SLC27A5: variants seen among roughly 807,000 people sequenced by gnomAD.
SLC27A5 encodes the protein long-chain fatty acid transport protein 5.
In SLC27A5, 47 loss-of-function variants were observed where a neutral mutation model predicts 63.1. That is an observed-to-expected ratio of 0.74 (90% confidence interval 0.59 to 0.95). SLC27A5 has a LOEUF of 0.95. Ranked by LOEUF, SLC27A5 falls within the 40% of genes least tolerant of loss-of-function variation. SLC27A5 has a pLI of 0.00. For missense variants in SLC27A5, 940 were observed against 921.0 expected (o/e 1.02, Z -0.27); for synonymous variants, 391 against 403.8 (o/e 0.97, Z 0.38).
chr19:58,499,375 T>G (rs1298288617), intron 7 of SLC27A5, 117 bp downstream of exon 7: 2 of 1,354,296 alleles, frequency 1.5e-6, no homozygotes, highest in African/African-American at 3.0e-5. Flanking sequence ...AAGTCCTGAC[T>G]CCAAGTTCCG....
chr19:58,501,103 A>G, intron 4 of SLC27A5, 183 bp downstream of exon 4: 1 of 1,194,752 alleles, frequency 8.4e-7, no homozygotes, highest in African/African-American at 1.5e-5. Flanking sequence ...CTGAGGCTCA[A>G]GGTAGCACAG....
chr19:58,501,064 C>G (rs1451480827), intron 4 of SLC27A5: 2 of 1,221,172 alleles, frequency 1.6e-6, no homozygotes, highest in Non-Finnish European at 2.2e-6. Flanking sequence ...GGGGTAGGGG[C>G]TATTATCCCT....
At chr19:58,503,814 C>CAAAA (rs111527205) in intron 3 of SLC27A5, among the ~76,000 whole-genome samples, 1 of 144,976 alleles carries the variant, frequency 6.9e-6, no homozygotes, top group South Asian at 2.2e-4. Context: ...AACAAACAAA[C>CAAAA]AAAAAAACAG....
rs1369710055 is a variant in SLC27A5, at chr19:58,499,125, G to T, written c.1763C>A (p.Pro588Gln). ...QQVNVYGVCV[P>Q]GCEGKVGMAA... ...TTTAAAATGAGAACCCTCCGCACCTGGCACGCACACGCCATACACGTTAAC... is the reference window on the plus strand; with the variant it reads ...TTTAAAATGAGAACCCTCCGCACCTTGCACGCACACGCCATACACGTTAAC... Residue 588 changes from proline to glutamine, a missense_variant and splice_region_variant, in exon 8 of 10, where the codon CCA (proline) becomes CAA (glutamine). Transcript: ENST00000263093. 1 of 1,613,800 alleles carries T rather than the reference G, an allele frequency of 6.2e-7. No individual in the cohort carries two copies. The highest frequency in any genetic ancestry group is 8.5e-7 in the Non-Finnish European group (1 of 1,179,990).
chr19:58,506,732 C>T (rs1201315830), intron 3 of SLC27A5, among the ~76,000 whole-genome samples: 2 of 151,452 alleles, frequency 1.3e-5, no homozygotes, highest in Non-Finnish European at 2.9e-5. Flanking sequence ...GCCTCAGCCT[C>T]CCGAGTAGCT....
At chr19:58,507,757 T>C (rs1258562000) in intron 3 of SLC27A5, 1 of 152,122 alleles carries the variant, frequency 6.6e-6, no homozygotes, top group Non-Finnish European at 1.5e-5. Context: ...AATTCATTCC[T>C]GGGGGGAGGT....
At chr19:58,510,967 C>T in intron 1 of SLC27A5, 37 bp from the exon 2 acceptor site, 1 of 1,518,012 alleles carries the variant, frequency 6.6e-7, no homozygotes, top group Non-Finnish European at 8.9e-7. Context: ...AGAGGCAAGG[C>T]TCACCTTTGA....
In SLC27A5 at chr19:58,511,722, T is replaced by C; in HGVS notation, c.234A>G (p.Ala78=). The C allele has an allele frequency of 6.4e-7, 1 of 1,557,008 alleles. No homozygotes were observed. Residue 78 remains alanine (A), a synonymous_variant, in exon 1 of 10, where the codon GCA becomes GCG. Transcript: ENST00000263093. The part of the protein sequence containing the change: ...AAALALTLLP[A]RLPPGLRWLP... ...GCCAGCGTAGTCCTGGGGGCAGCCG[T>C]GCTGGCAGGAGGGTTAGTGCCAGGG...
In SLC27A5 at chr19:58,509,794, A is replaced by C. The variant is rs1053654605; in HGVS notation, c.1057+53T>G. 8 of 1,533,716 alleles carry C rather than the reference A, an allele frequency of 5.2e-6. No homozygotes were observed. In the African/African-American group the frequency reaches 1.1e-4, roughly 21 times the overall value. ...TTTTTGCCTTGACAGCCCCACGCCG[A>C]CACTTACTCCCGTGGTCCTGTAGAC... On this transcript the variant is annotated intron_variant, in intron 3 of 9. Transcript: ENST00000263093.
At chr19:58,510,489 G>A in intron 2 of SLC27A5, 1 of 472,820 alleles carries the variant, frequency 2.1e-6, no homozygotes, top group Non-Finnish European at 3.7e-6. Context: ...CAAGAGAATT[G>A]CTTGAACCCA....
chr19:58,499,004 T>C, intron 8 of SLC27A5, 89 bp from the exon 9 acceptor site: 1 of 1,589,994 alleles, frequency 6.3e-7, no homozygotes, highest in Non-Finnish European at 8.6e-7. Flanking sequence ...TCACTGGCTG[T>C]GAGAGCCAGC....
chr19:58,500,329 AC>A lies in SLC27A5; in HGVS notation c.1468+9del. The A allele has an allele frequency of 1.2e-6, 2 of 1,610,632 alleles. No individual in the cohort carries two copies. The highest frequency in any genetic ancestry group is 1.7e-6 in the Non-Finnish European group (2 of 1,179,024). On this transcript the variant is annotated intron_variant, in intron 6 of 9. Coordinates refer to ENST00000263093, the MANE Select transcript of SLC27A5 (RefSeq NM_012254.3). ...CCTGCCACCCAGGAAAGGCTCCTCA[AC>A]CCCCATACCTAGCCCTACAGGGATG... is the stretch of plus-strand genomic sequence containing the variant.
At position 58,498,606 on chromosome 19, in the gene SLC27A5, G is replaced by A. The variant is rs2053235482; in HGVS notation, c.1982C>T (p.Pro661Leu). 3 of 1,614,094 alleles carry A rather than the reference G, an allele frequency of 1.9e-6. No individual in the cohort carries two copies. The highest frequency in any genetic ancestry group is 2.5e-6 in the Non-Finnish European group (3 of 1,180,020). Residue 661 changes from proline to leucine, a missense_variant, in exon 10 of 10, where the codon CCT becomes CTT. Pro to Leu is a moderately conservative substitution (Grantham distance 98, BLOSUM62 -3). Transcript: ENST00000263093. ...GGCCCGGTTGTCCAGTACAAACAGA[G>A]GGTCAACCACGATCCCCACATTGAA... ...EGFNVGIVVDPLFVLDNRAQS... is the reference protein window; with the variant it reads ...EGFNVGIVVDLLFVLDNRAQS...
intron 7 of SLC27A5, 97 bp from the exon 8 acceptor site, chr19:58,499,317 A>G: frequency 8.2e-7 from 1 of 1,221,304 alleles, no homozygotes. Context: ...CAGGAGGCCC[A>G]GTCAGCCCCG....
At chr19:58,505,977 C>A (rs1490663772) in intron 3 of SLC27A5, among the ~76,000 whole-genome samples, 2 of 151,220 alleles carry the variant, frequency 1.3e-5, no homozygotes, top group Non-Finnish European at 1.5e-5. Context: ...ATGGTTAAAC[C>A]CTGTCTCTAC....
In SLC27A5 at chr19:58,499,623, T is replaced by C. The variant is rs1027858863; in HGVS notation, c.1536A>G (p.Arg512=). ...QQPFVGYRGP[R]ELSERKLVRN... is the part of the protein sequence containing the mutation. Reference sequence around the variant, plus strand: ...GCACCAGCTTCCGTTCCGACAGCTCTCGGGGGCCGCGGTAGCCCACGAAGG... The same window carrying C: ...GCACCAGCTTCCGTTCCGACAGCTCCCGGGGGCCGCGGTAGCCCACGAAGG... The change falls in exon 7 of 10, where the codon CGA becomes CGG. Residue 512 remains arginine (R), a synonymous_variant. Transcript: ENST00000263093. 2.2e-5 allele frequency: 36 copies of C among 1,612,690 alleles called. No individual in the cohort carries two copies. Among genetic ancestry groups the C allele is most frequent in the Non-Finnish European group, 2.9e-5 (34 of 1,179,994 alleles).
rs767240228 is a variant in SLC27A5 at position 58,499,636 on chromosome 19, T to C, written c.1523A>G (p.Tyr508Cys). Residue 508 changes from tyrosine (Y) to cysteine (C), a missense_variant, in exon 7 of 10, where the codon TAC becomes TGC. Tyr to Cys is a radical substitution (Grantham distance 194). Transcript: ENST00000263093. ...TTCCGACAGCTCTCGGGGGCCGCGG[T>C]AGCCCACGAAGGGTTGCTGGCTTAC... is the stretch of plus-strand genomic sequence containing the variant. The part of the protein sequence containing the change: ...KVVSQQPFVG[Y>C]RGPRELSERK... 2 of 1,612,630 alleles carry C rather than the reference T, an allele frequency of 1.2e-6. No individual in the cohort carries two copies. The highest frequency in any genetic ancestry group is 2.2e-5 in the East Asian group (1 of 44,852).
intron 3 of SLC27A5, among the ~76,000 whole-genome samples, chr19:58,502,600 TG>T (rs2053289384): frequency 4.1e-5 from 4 of 97,956 alleles, no homozygotes; most frequent in Non-Finnish European, 7.5e-5. Context: ...GATGGATGGG[TG>T]GACAGAGTAG....
At position 58,501,308 on chromosome 19, in the gene SLC27A5, C is replaced by T. The variant is rs142672241; in HGVS notation, c.1160G>A (p.Arg387Gln). 5,842 of 1,613,588 alleles carry T rather than the reference C, an allele frequency of 3.6e-3. 22 individuals carry two copies. The highest frequency in any genetic ancestry group is 4.1e-3 in the Non-Finnish European group (4,795 of 1,179,702). ...CACCTGGGGAATGTTACACAAGTAC[C>T]GCAGGAGCTCGCCCACATACAGGAT... Reference protein sequence around the residue: ...TVILYVGELLRYLCNIPQQPE... With the variant: ...TVILYVGELLQYLCNIPQQPE... The change falls in exon 4 of 10, where the codon CGG becomes CAG. Residue 387 changes from arginine to glutamine, a missense_variant. Arg to Gln is a conservative substitution (Grantham distance 43). Coordinates refer to ENST00000263093, the MANE Select transcript of SLC27A5 (RefSeq NM_012254.3).
Sources: gnomAD v4.1 joint callset for allele counts (sites outside exome capture counted in the v4.1 genomes callset) on GRCh38, gnomAD v4.1.1 for gene constraint, MANE v1.5 for transcripts, NCBI Gene and HGNC (gene_info 2026-07-23, HGNC 2026-07-21) for gene names.